The following TRPM3 variants were observed in gnomAD, a reference collection of about 807,000 sequenced individuals.
TRPM3 encodes long transient receptor potential channel 3.
TRPM3 carries 77 observed loss-of-function variants against 181.2 expected under a neutral mutation model. The observed-to-expected ratio is 0.42, with a 90% CI of 0.35 to 0.51. The LOEUF is 0.51. Among genes scored for constraint, TRPM3 ranks in the 20% least tolerant of loss-of-function variants. The pLI is 0.01. For missense variants in TRPM3, 1,759 were observed against 2,196.7 expected (o/e 0.80, Z 3.98); for synonymous variants, 745 against 796.4 (o/e 0.94, Z 1.09).
At chr9:71,010,304 T>C (rs2097722261) in intron 1 of TRPM3, among the ~76,000 whole-genome samples, 1 of 151,894 alleles carries the variant, frequency 6.6e-6, no homozygotes, top group South Asian at 2.1e-4. Context: ...ACCTACAGAA[T>C]GGGAGAAAGA....
At chr9:70,992,702 C>T (rs1484068209) in intron 1 of TRPM3, among the ~76,000 whole-genome samples, 1 of 152,064 alleles carries the variant, frequency 6.6e-6, no homozygotes, top group East Asian at 1.9e-4. Flanking sequence ...CTTAAATAAC[C>T]ATATGTTGGC....
chr9:71,250,116 T>G (rs2082258928), intron 1 of TRPM3, among the ~76,000 whole-genome samples: 2 of 152,178 alleles, frequency 1.3e-5, no homozygotes, highest in African/African-American at 4.8e-5. Flanking sequence ...AATCATAAAA[T>G]AGGAGTCACA....
At chr9:71,417,875 T>C (rs919996665) in intron 1 of TRPM3, among the ~76,000 whole-genome samples, 2 of 152,000 alleles carry the variant, frequency 1.3e-5, no homozygotes, top group Admixed American at 6.6e-5. Context: ...GTACTTGATA[T>C]ATCATTCTTA....
chr9:70,787,608 C>T (rs1395323895), intron 6 of TRPM3, among the ~76,000 whole-genome samples: 2 of 152,006 alleles, frequency 1.3e-5, no homozygotes, highest in African/African-American at 4.8e-5. Context: ...AAAATGACAT[C>T]AGATAACTAG....
intron 8 of TRPM3, among the ~76,000 whole-genome samples, chr9:70,742,589 T>G (rs2074366099): frequency 6.6e-6 from 1 of 152,130 alleles, no homozygotes; most frequent in East Asian, 1.9e-4. Flanking sequence ...CTTAAAACAT[T>G]TTTATAATTA....
intron 1 of TRPM3, among the ~76,000 whole-genome samples, chr9:71,372,317 C>T (rs1006716505): frequency 1.3e-5 from 2 of 152,080 alleles, no homozygotes; most frequent in African/African-American, 2.4e-5. Context: ...ATCTTTATGA[C>T]AATTATTTAT....
intron 1 of TRPM3, among the ~76,000 whole-genome samples, chr9:71,053,037 T>C (rs2060233594): frequency 7.6e-6 from 1 of 131,776 alleles, no homozygotes; most frequent in Non-Finnish European, 1.5e-5. Context: ...CAATAGTGCA[T>C]ATGGAGTTTC....
rs1400610730 is a variant in TRPM3 at position 70,537,213 on chromosome 9, G to A, written c.3900C>T (p.Asp1300=). ...GGACAATGTAGGCGGCGTCCGTGCA[G>A]TCTGACGAGGTCCTCGAGCGGATTT... ...SNKIRSRTSS[D]CTDAAYIVRQ... is the part of the protein sequence containing the mutation. The change falls in exon 26 of 26, where the codon GAC becomes GAT. Residue 1300 remains aspartate, a synonymous_variant. Coordinates refer to ENST00000677713, the MANE Select transcript of TRPM3 (RefSeq NM_001366145.2). 3 of 1,597,524 alleles carry A rather than the reference G, an allele frequency of 1.9e-6. No individual in the cohort carries two copies. The highest frequency in any genetic ancestry group is 3.4e-5 in the Admixed American group (2 of 59,144).
At chr9:71,134,459 G>A (rs573241112) in intron 1 of TRPM3, among the ~76,000 whole-genome samples, 2 of 149,420 alleles carry the variant, frequency 1.3e-5, no homozygotes, top group African/African-American at 4.9e-5. Flanking sequence ...GGCTGAGGCA[G>A]GAGAATGGCT....
intron 1 of TRPM3, among the ~76,000 whole-genome samples, chr9:71,164,323 G>A (rs1158320332): frequency 1.3e-5 from 2 of 152,190 alleles, no homozygotes; most frequent in African/African-American, 4.8e-5. Context: ...GAAAACTCCT[G>A]CTGTGTTTGA....
intron 1 of TRPM3, among the ~76,000 whole-genome samples, chr9:71,137,595 C>T (rs1213119295): frequency 6.6e-6 from 1 of 152,106 alleles, no homozygotes; most frequent in Admixed American, 6.5e-5. Context: ...AAATATAGCT[C>T]TTCTTTTATT....
At chr9:71,164,468 A>G (rs2076436008) in intron 1 of TRPM3, among the ~76,000 whole-genome samples, 1 of 152,162 alleles carries the variant, frequency 6.6e-6, no homozygotes, top group African/African-American at 2.4e-5. Context: ...TACACCCCAC[A>G]GCCTGCTTGC....
intron 6 of TRPM3, chr9:70,826,460 A>G (rs1199523976): frequency 6.6e-6 from 1 of 152,206 alleles, no homozygotes; most frequent in Non-Finnish European, 1.5e-5. Flanking sequence ...TTTATTTCAG[A>G]CCTAGGACAA....
intron 1 of TRPM3, among the ~76,000 whole-genome samples, chr9:71,109,329 CA>C (rs377167846): frequency 3.3e-5 from 5 of 151,572 alleles, no homozygotes; most frequent in African/African-American, 1.2e-4. Context: ...CTGACTAATA[CA>C]ATCTACAATA....
chr9:70,552,508 T>G (rs1049768443), intron 24 of TRPM3, among the ~76,000 whole-genome samples: 1 of 152,200 alleles, frequency 6.6e-6, no homozygotes, highest in Non-Finnish European at 1.5e-5. Flanking sequence ...GGTGGCATAT[T>G]AATATCATTG....
chr9:71,304,291 A>G (rs1019795083), intron 1 of TRPM3, among the ~76,000 whole-genome samples: 2 of 152,054 alleles, frequency 1.3e-5, no homozygotes, highest in African/African-American at 2.4e-5. Context: ...TTTGCTTTTC[A>G]GCTAGACTAT....
At chr9:71,253,003 T>C (rs1049238211) in intron 1 of TRPM3, among the ~76,000 whole-genome samples, 4 of 152,090 alleles carry the variant, frequency 2.6e-5, no homozygotes, top group African/African-American at 9.7e-5. Flanking sequence ...TCTTTCATTA[T>C]GGAACTTGGC....
At position 70,656,909 on chromosome 9, in the gene TRPM3, G is replaced by C. The variant is rs529014051; in HGVS notation, c.1346-16249C>G. ...AACCAGGAAATAAGAGAGATGTAAAGAAAGTTATAAAAAAAAGTGTTTTTT... is the reference window on the plus strand; with the variant it reads ...AACCAGGAAATAAGAGAGATGTAAACAAAGTTATAAAAAAAAGTGTTTTTT... On this transcript the variant is annotated intron_variant, in intron 9 of 25. Transcript: ENST00000677713. 9.0e-5 allele frequency among the ~76,000 whole-genome samples: 13 copies of C among 144,400 alleles called. No homozygotes were observed. The South Asian group carries it at 2.7e-3, about 30-fold the overall frequency. The allele number at this position is 144,400 out of a possible 152,430, so 94.7% of individuals were successfully genotyped here. A position where few individuals can be genotyped will look rare whatever the true frequency, so the allele number is the denominator to read the frequency against.
At chr9:70,929,937 G>T (rs775080967) in intron 1 of TRPM3, among the ~76,000 whole-genome samples, 5 of 152,184 alleles carry the variant, frequency 3.3e-5, no homozygotes, top group Non-Finnish European at 7.4e-5. Context: ...GTATCAACCA[G>T]TGGATGTACA....
Sources: gnomAD v4.1 joint callset for allele counts (sites outside exome capture counted in the v4.1 genomes callset) on GRCh38, gnomAD v4.1.1 for gene constraint, MANE v1.5 for transcripts, NCBI Gene and HGNC (gene_info 2026-07-23, HGNC 2026-07-21) for gene names.